CSMD3: variants seen among roughly 807,000 people sequenced by gnomAD.
CSMD3 encodes the protein CUB and sushi domain-containing protein 3.
In CSMD3, 177 loss-of-function variants were observed where a neutral mutation model predicts 435.2. That is an observed-to-expected ratio of 0.41 (90% CI 0.36 to 0.46). The LOEUF is 0.46. Among genes scored for constraint, CSMD3 ranks in the 20% least tolerant of loss-of-function variants. The pLI is 0.34. For synonymous variants in CSMD3, 1,656 were observed against 1,520.5 expected (o/e 1.09, Z -2.07); for missense variants, 4,265 against 4,504.6 (o/e 0.95, Z 1.52).
rs1368346963 is a variant in CSMD3 at position 112,471,763 on chromosome 8, G to A, written c.5395+828C>T. 3.9e-5 allele frequency among the ~76,000 whole-genome samples: 6 copies of A among 152,248 alleles called. No individual in the cohort carries two copies. The East Asian group carries it at 1.2e-3, about 29-fold the overall frequency. Reference sequence around the variant, plus strand: ...CCATGTCCTTCTGCTGATATACTGAGTCATCCAGGCCCAGACATTCCTCAT... The same window carrying A: ...CCATGTCCTTCTGCTGATATACTGAATCATCCAGGCCCAGACATTCCTCAT... On this transcript the variant is annotated intron_variant, in intron 32 of 70. Coordinates refer to ENST00000297405, the MANE Select transcript of CSMD3 (RefSeq NM_198123.2).
intron 10 of CSMD3, among the ~76,000 whole-genome samples, chr8:112,881,246 T>G (rs1278392082): frequency 2.6e-5 from 4 of 151,988 alleles, no homozygotes; most frequent in Admixed American, 2.6e-4. Context: ...TGGGGTGTCC[T>G]GAGGGTGTAT....
At chr8:113,184,573 C>T (rs371369789) in intron 3 of CSMD3, among the ~76,000 whole-genome samples, 20 of 152,010 alleles carry the variant, frequency 1.3e-4, no homozygotes, top group African/African-American at 4.8e-4. Context: ...TGGAGTCCAC[C>T]CCAGTCTTTG....
intron 57 of CSMD3, among the ~76,000 whole-genome samples, chr8:112,289,150 A>C (rs1177848823): frequency 2.0e-5 from 3 of 152,024 alleles, no homozygotes; most frequent in African/African-American, 7.2e-5. Flanking sequence ...CAAAACACAA[A>C]CTTGTAATTT....
chr8:112,531,701 C>CAATAATA (rs1373106957), intron 27 of CSMD3, among the ~76,000 whole-genome samples: 2 of 152,042 alleles, frequency 1.3e-5, no homozygotes, highest in East Asian at 3.9e-4. Flanking sequence ...TTGGGGAACT[C>CAATAATA]AATAATAAAT....
At chr8:112,321,604 A>T (rs1255208922) in intron 45 of CSMD3, among the ~76,000 whole-genome samples, 1 of 152,180 alleles carries the variant, frequency 6.6e-6, no homozygotes, top group Admixed American at 6.6e-5. Context: ...ATAAACATTC[A>T]GGTTACTAAG....
At chr8:112,433,517 T>C (rs1813951061) in intron 32 of CSMD3, among the ~76,000 whole-genome samples, 1 of 151,342 alleles carries the variant, frequency 6.6e-6, no homozygotes, top group Non-Finnish European at 1.5e-5. Context: ...AATTAGCTGA[T>C]ATGGTGACGC....
chr8:112,657,211 T>G (rs113905951), intron 17 of CSMD3, among the ~76,000 whole-genome samples: 1 of 151,950 alleles, frequency 6.6e-6, no homozygotes, highest in African/African-American at 2.4e-5. Context: ...TACAGGCGTG[T>G]GCCACCACGC....
intron 10 of CSMD3, among the ~76,000 whole-genome samples, chr8:112,888,450 A>T (rs2081675884): frequency 6.6e-6 from 1 of 151,580 alleles, no homozygotes; most frequent in Non-Finnish European, 1.5e-5. Flanking sequence ...CTTATGTGTG[A>T]AGGATTTTGC....
intron 10 of CSMD3, among the ~76,000 whole-genome samples, chr8:112,908,205 A>T (rs2082313729): frequency 6.6e-6 from 1 of 151,444 alleles, no homozygotes; most frequent in African/African-American, 2.4e-5. Flanking sequence ...TTTAGGCTTT[A>T]GACAGCTTGG....
intron 10 of CSMD3, among the ~76,000 whole-genome samples, chr8:112,899,625 ATATATATG>A (rs767369569): frequency 0.11 from 12,549 of 114,504 alleles, 767 homozygotes; most frequent in Middle Eastern, 0.24. Context: ...ATATATATAT[ATATATATG>A]TATATACATA....
intron 3 of CSMD3, among the ~76,000 whole-genome samples, chr8:113,232,489 T>C (rs1176827428): frequency 6.6e-6 from 1 of 151,716 alleles, no homozygotes; most frequent in Non-Finnish European, 1.5e-5. Context: ...AGCCTAATAT[T>C]TTCATTGTTA....
intron 3 of CSMD3, among the ~76,000 whole-genome samples, chr8:113,198,911 C>T (rs1357529937): frequency 1.3e-5 from 2 of 151,146 alleles, no homozygotes; most frequent in Admixed American, 1.3e-4. Flanking sequence ...TCTGAAATTA[C>T]TTAAAAAAGC....
chr8:112,654,442 T>A lies in CSMD3; in HGVS notation c.3004+1712A>T, dbSNP rs115856097. On this transcript the variant is annotated intron_variant, in intron 18 of 70. Transcript: ENST00000297405. The stretch of plus-strand genomic sequence containing the variant: ...AATTTAAATACAAAGTTATTTCATC[T>A]TGTTAGATTTGACCAAATTAATAAC... 2.6e-5 allele frequency among the ~76,000 whole-genome samples: 4 copies of A among 152,222 alleles called. No individual in the cohort carries two copies. In the East Asian group the frequency reaches 7.7e-4, roughly 29 times the overall value.
intron 32 of CSMD3, among the ~76,000 whole-genome samples, chr8:112,462,506 A>C (rs116677578): frequency 0.02 from 2,980 of 152,288 alleles, 94 homozygotes; most frequent in African/African-American, 0.068. Context: ...ATACACAATG[A>C]ATGTGAATAG....
intron 3 of CSMD3, among the ~76,000 whole-genome samples, chr8:113,207,284 C>T (rs1304210733): frequency 1.3e-5 from 2 of 151,898 alleles, no homozygotes; most frequent in Non-Finnish European, 2.9e-5. Context: ...CAAGCCAAAG[C>T]TGTCTATTAC....
chr8:113,016,781 CG>C (rs1305723787), intron 6 of CSMD3, among the ~76,000 whole-genome samples: 1 of 151,726 alleles, frequency 6.6e-6, no homozygotes, highest in East Asian at 1.9e-4. Flanking sequence ...TAAAAAGCAT[CG>C]TTACCATTTC....
At chr8:113,257,242 A>C (rs1336449444) in intron 3 of CSMD3, among the ~76,000 whole-genome samples, 2 of 152,086 alleles carry the variant, frequency 1.3e-5, no homozygotes, top group Admixed American at 6.5e-5. Flanking sequence ...CCACCTCCCT[A>C]CTAAAAAAAT....
intron 11 of CSMD3, among the ~76,000 whole-genome samples, chr8:112,846,783 C>T (rs2080335058): frequency 6.6e-6 from 1 of 151,574 alleles, no homozygotes; most frequent in South Asian, 2.1e-4. Flanking sequence ...GAGTAATTCA[C>T]TTTAAATAAA....
At chr8:112,445,673 A>G (rs1815521961) in intron 32 of CSMD3, among the ~76,000 whole-genome samples, 1 of 152,176 alleles carries the variant, frequency 6.6e-6, no homozygotes, top group Non-Finnish European at 1.5e-5. Flanking sequence ...ACATTTCAAC[A>G]TGAGATTTGA....
Sources: allele counts gnomAD v4.1 joint callset (sites outside exome capture counted in the v4.1 genomes callset), GRCh38; gene constraint gnomAD v4.1.1; transcripts MANE v1.5; gene names NCBI Gene and HGNC (gene_info 2026-07-23, HGNC 2026-07-21).